The following CCDC33 variants were observed in gnomAD, a reference collection of about 807,000 sequenced individuals.
CCDC33 encodes the protein coiled-coil domain containing 33.
Under a neutral mutation model 91.9 loss-of-function variants are expected in CCDC33, and 94 were observed. The ratio of observed to expected loss-of-function variants is 1.02; its 90% CI spans 0.87 to 1.21. CCDC33 has a LOEUF of 1.21. Ranked by LOEUF, CCDC33 falls within the 50% of genes most tolerant of loss-of-function variation. The pLI is 0.00. For synonymous variants in CCDC33, 396 were observed against 374.5 expected (o/e 1.06, Z -0.66); for missense variants, 940 against 935.5 (o/e 1.00, Z -0.06).
At chr15:74,213,460 C>T (rs1352730901), upstream of CCDC33, 1 of 152,278 alleles carries the variant, frequency 6.6e-6, no homozygotes, top group Non-Finnish European at 1.5e-5. Context: ...CCTTGAAACT[C>T]AGCATAAAAG....
chr15:74,271,138 G>A (rs1433509776), intron 5 of CCDC33, among the ~76,000 whole-genome samples: 2 of 152,144 alleles, frequency 1.3e-5, no homozygotes, highest in Non-Finnish European at 2.9e-5. Context: ...TGATGGGCAC[G>A]AGGGAGGCAA....
chr15:74,211,307 TTG>T (rs999805077), intron 2 of CCDC33, among the ~76,000 whole-genome samples: 21 of 151,928 alleles, frequency 1.4e-4, no homozygotes, highest in African/African-American at 4.8e-4. Flanking sequence ...AATTGCAGGA[TTG>T]GGACACACCT....
chr15:74,267,278 C>T (rs976413920), intron 4 of CCDC33, among the ~76,000 whole-genome samples: 1 of 152,210 alleles, frequency 6.6e-6, no homozygotes. Context: ...AGGGTGAGCC[C>T]AAGTCATGCT....
At chr15:74,215,283 A>G (rs1191440545), upstream of CCDC33, among the ~76,000 whole-genome samples, 1 of 152,154 alleles carries the variant, frequency 6.6e-6, no homozygotes, top group Non-Finnish European at 1.5e-5. Context: ...CATTTGTGAA[A>G]AGACAAATAC....
chr15:74,230,470 A>G (rs1287205157), intron 2 of CCDC33, among the ~76,000 whole-genome samples: 7 of 152,192 alleles, frequency 4.6e-5, no homozygotes, highest in Non-Finnish European at 8.8e-5. Context: ...CCCAAAAGCA[A>G]CGTTGCATCT....
Position 74,268,390 on chromosome 15 carries a change from T to A in CCDC33, c.478T>A (p.Tyr160Asn), listed in dbSNP as rs1262934213. ...TGAAGCCACTGCCAAGACCCAGTTGTACGCAACAGTCGTTCGGAAGAGCAG... is the reference window on the plus strand; with the variant it reads ...TGAAGCCACTGCCAAGACCCAGTTGAACGCAACAGTCGTTCGGAAGAGCAG... ...ADEATAKTQL[Y>N]ATVVRKSSFI... is the part of the protein sequence containing the mutation. Residue 160 changes from tyrosine (Y) to asparagine (N), a missense_variant, in exon 5 of 19, where the codon TAC (tyrosine) becomes AAC (asparagine). By Grantham distance (143) the Tyr-to-Asn change is moderately radical. Transcript: ENST00000398814. 1 of 1,609,740 alleles carries A rather than the reference T, an allele frequency of 6.2e-7. No homozygotes were observed. Among genetic ancestry groups the A allele is most frequent in the Admixed American group, 1.7e-5 (1 of 59,666 alleles).
chr15:74,285,793 AG>A (rs2059461557), intron 10 of CCDC33, among the ~76,000 whole-genome samples: 1 of 152,216 alleles, frequency 6.6e-6, no homozygotes. Context: ...ATCTGCATTA[AG>A]ATGGCTTGTG....
Position 74,280,432 on chromosome 15 carries a change from G to T in CCDC33, c.890-236G>T, listed in dbSNP as rs571139494. 2.4e-4 allele frequency among the ~76,000 whole-genome samples: 37 copies of T among 152,342 alleles called. 2 individuals carry two copies. The South Asian group carries it at 7.2e-3, about 30-fold the overall frequency. On this transcript the variant is annotated intron_variant, in intron 8 of 18. Coordinates refer to ENST00000398814, the MANE Select transcript of CCDC33 (RefSeq NM_025055.5). ...CAGTTTTCTGCACTGTGGGATTGAAGCCCCCAAAGGGTAGAGATGAGGCTG... is the reference window on the plus strand; with the variant it reads ...CAGTTTTCTGCACTGTGGGATTGAATCCCCCAAAGGGTAGAGATGAGGCTG...
intron 11 of CCDC33, among the ~76,000 whole-genome samples, chr15:74,317,815 G>T (rs1194120138): frequency 6.6e-6 from 1 of 151,658 alleles, no homozygotes; most frequent in African/African-American, 2.4e-5. Flanking sequence ...CCAGGCTGAA[G>T]CCAGTTATAT....
At chr15:74,284,191 T>A (rs2142517791) in intron 10 of CCDC33, among the ~76,000 whole-genome samples, 1 of 152,324 alleles carries the variant, frequency 6.6e-6, no homozygotes, top group Middle Eastern at 3.4e-3. Flanking sequence ...CCATGTATAT[T>A]TGATGAGGAG....
intron 11 of CCDC33, chr15:74,301,028 G>A (rs1159733341): frequency 6.6e-6 from 1 of 152,318 alleles, no homozygotes; most frequent in Non-Finnish European, 1.5e-5. Context: ...TCAGGCAGAG[G>A]TAGAGGAAGC....
intron 10 of CCDC33, among the ~76,000 whole-genome samples, chr15:74,294,508 G>A (rs2059642939): frequency 6.6e-6 from 1 of 151,980 alleles, no homozygotes; most frequent in Non-Finnish European, 1.5e-5. Flanking sequence ...AGCACTTTGG[G>A]AGGCCAAGGT....
intron 6 of CCDC33, 129 bp from the exon 7 acceptor site, chr15:74,272,642 G>A: frequency 8.0e-7 from 1 of 1,250,876 alleles, no homozygotes; most frequent in East Asian, 2.4e-5. Flanking sequence ...GTGAGGTCCA[G>A]GCCCGAACTC....
At chr15:74,254,620 C>G (rs1376110151) in intron 2 of CCDC33, among the ~76,000 whole-genome samples, 1 of 152,174 alleles carries the variant, frequency 6.6e-6, no homozygotes, top group African/African-American at 2.4e-5. Context: ...GGACAACTCC[C>G]TCTCCTGATT....
upstream of CCDC33, among the ~76,000 whole-genome samples, chr15:74,216,953 G>A (rs1274201472): frequency 6.6e-6 from 1 of 152,126 alleles, no homozygotes; most frequent in African/African-American, 2.4e-5. Flanking sequence ...TCCCCCACTA[G>A]AAGATAAGCT....
At chr15:74,246,292 G>A (rs953826999) in intron 2 of CCDC33, among the ~76,000 whole-genome samples, 1 of 152,212 alleles carries the variant, frequency 6.6e-6, no homozygotes, top group Non-Finnish European at 1.5e-5. Context: ...GACACCGGAA[G>A]TACAGGCAAC....
chr15:74,236,522 T>TCCCCCC lies in CCDC33; in HGVS notation c.-197_-192dup. 2.9e-5 allele frequency: 7 copies of TCCCCCC among 244,890 alleles called. No homozygotes were observed. The highest frequency in any genetic ancestry group is 2.0e-4 in the East Asian group (2 of 10,024). The allele number at this position is 244,890 out of a possible 1,614,324, so 15.2% of individuals were successfully genotyped here. A position where few individuals can be genotyped will look rare whatever the true frequency, so the allele number is the denominator to read the frequency against. On this transcript the variant is annotated 5_prime_UTR_variant, in exon 1 of 19. Coordinates refer to ENST00000398814, the MANE Select transcript of CCDC33 (RefSeq NM_025055.5). ...TGCTCCCACCTGGCCACCCTCCCCC[T>TCCCCCC]CCCCCCACATCCAGGCCCCAGGGCT...
intron 11 of CCDC33, among the ~76,000 whole-genome samples, chr15:74,328,852 C>G (rs776886233): frequency 4.6e-5 from 7 of 152,172 alleles, no homozygotes; most frequent in Non-Finnish European, 1.0e-4. Flanking sequence ...GTGTGAGTCC[C>G]CACCCGTATG....
At chr15:74,317,285 C>G (rs982163227) in intron 11 of CCDC33, among the ~76,000 whole-genome samples, 1 of 152,122 alleles carries the variant, frequency 6.6e-6, no homozygotes, top group Non-Finnish European at 1.5e-5. Context: ...GGCATGAACC[C>G]GGGAGGCGGA....
Sources: allele counts gnomAD v4.1 joint callset (sites outside exome capture counted in the v4.1 genomes callset), GRCh38; gene constraint gnomAD v4.1.1; transcripts MANE v1.5; gene names NCBI Gene and HGNC (gene_info 2026-07-23, HGNC 2026-07-21).